DOCK9: variants seen among roughly 807,000 people sequenced by gnomAD.
The protein encoded by DOCK9 is dedicator of cytokinesis 9.
DOCK9 carries 89 observed loss-of-function variants against 263.3 expected under a neutral mutation model. The observed-to-expected ratio is 0.34, with a 90% CI of 0.28 to 0.40. DOCK9 has a LOEUF of 0.40. Among genes scored for constraint, DOCK9 ranks in the 10% least tolerant of loss-of-function variants. The probability of loss-of-function intolerance (pLI) is 1.00; values close to 1 mark genes in which losing one functional copy is unlikely to be tolerated. For missense variants in DOCK9, 2,140 were observed against 2,603.4 expected (o/e 0.82, Z 3.87); for synonymous variants, 976 against 973.1 (o/e 1.00, Z -0.06).
At chr13:99,086,467 G>T in exon 1 of DOCK9, 1 of 636,438 alleles carries the variant, frequency 1.6e-6, no homozygotes, top group Non-Finnish European at 1.9e-6. Context: ...CGGCGCCGCC[G>T]CCGCCTGCTC....
chr13:98,819,324 G>A (rs867315273), intron 45 of DOCK9, among the ~76,000 whole-genome samples: 2 of 152,152 alleles, frequency 1.3e-5, no homozygotes, highest in South Asian at 4.1e-4. Context: ...ACTAGCACAC[G>A]GCACATGGCC....
At chr13:99,027,011 CTTG>C (rs375011511) in intron 1 of DOCK9, among the ~76,000 whole-genome samples, 15 of 151,978 alleles carry the variant, frequency 9.9e-5, no homozygotes, top group African/African-American at 3.4e-4. Flanking sequence ...CTCATTTAAT[CTTG>C]TTGTTGTTGT....
At chr13:99,087,282 G>C (rs1011857166), upstream of DOCK9, among the ~76,000 whole-genome samples, 3 of 152,234 alleles carry the variant, frequency 2.0e-5, no homozygotes, top group Non-Finnish European at 4.4e-5. Flanking sequence ...GGCCAGGCGT[G>C]GGAGACTCCC....
At chr13:98,986,374 G>C (rs537346673) in intron 1 of DOCK9, among the ~76,000 whole-genome samples, 1 of 152,210 alleles carries the variant, frequency 6.6e-6, no homozygotes, top group East Asian at 1.9e-4. Flanking sequence ...GGGACAGGCC[G>C]CCAGGCCAAC....
At chr13:99,043,118 T>C (rs1888627890) in intron 1 of DOCK9, among the ~76,000 whole-genome samples, 1 of 152,008 alleles carries the variant, frequency 6.6e-6, no homozygotes. Flanking sequence ...GGACATCCCC[T>C]CTCAAGCAAC....
chr13:99,000,134 G>T (rs978460478), intron 1 of DOCK9, among the ~76,000 whole-genome samples: 1 of 152,122 alleles, frequency 6.6e-6, no homozygotes, highest in African/African-American at 2.4e-5. Context: ...CTGATTCTGG[G>T]ATCTGGGAGA....
chr13:98,889,500 G>A (rs2046300472), intron 15 of DOCK9, among the ~76,000 whole-genome samples: 5 of 152,218 alleles, frequency 3.3e-5, no homozygotes, highest in Admixed American at 3.3e-4. Flanking sequence ...CACTGAAATT[G>A]TTGTATTAAT....
intron 2 of DOCK9, among the ~76,000 whole-genome samples, chr13:98,930,622 G>T (rs1047623720): frequency 6.6e-6 from 1 of 152,022 alleles, no homozygotes; most frequent in Non-Finnish European, 1.5e-5. Flanking sequence ...TTTTATTCTG[G>T]TAAAATATGC....
At chr13:99,008,227 TATATA>T (rs1278599624) in intron 1 of DOCK9, among the ~76,000 whole-genome samples, 1 of 121,298 alleles carries the variant, frequency 8.2e-6, no homozygotes, top group Non-Finnish European at 1.7e-5. Flanking sequence ...TATATATATA[TATATA>T]TATTTTTTTT....
intron 39 of DOCK9, 42 bp from the exon 40 acceptor site, chr13:98,831,828 C>T (rs775398632): frequency 2.5e-5 from 40 of 1,594,714 alleles, no homozygotes; most frequent in Non-Finnish European, 3.4e-5. Context: ...ATACCAGTCA[C>T]CTCTAGTAGG....
intron 1 of DOCK9, among the ~76,000 whole-genome samples, chr13:99,034,728 T>C (rs1324780157): frequency 1.3e-5 from 2 of 152,218 alleles, no homozygotes; most frequent in South Asian, 2.1e-4. Flanking sequence ...TTCAAATTTC[T>C]ATTTTAAAAA....
At chr13:98,824,593 G>T in intron 44 of DOCK9, 89 bp from the exon 45 acceptor site, 1 of 1,196,326 alleles carries the variant, frequency 8.4e-7, no homozygotes, top group Non-Finnish European at 1.2e-6. Context: ...GTGTTTCTGT[G>T]TTGAATGAAA....
rs781655476 is a variant in DOCK9, at chr13:98,867,072, G to C, written c.3286+353C>G. On this transcript the variant is annotated intron_variant, in intron 30 of 52. Coordinates refer to ENST00000682017, the MANE Select transcript of DOCK9 (RefSeq NM_001366683.2). Reference sequence around the variant, plus strand: ...TCATACCCCACACCTACCTACAGGAGTGTCATTTGACTCCACAGTTGGTGA... The same window carrying C: ...TCATACCCCACACCTACCTACAGGACTGTCATTTGACTCCACAGTTGGTGA... The C allele has an allele frequency of 2.6e-4, 117 of 449,666 alleles. 1 individual carries two copies. The highest frequency in any genetic ancestry group is 1.8e-3 in the South Asian group (113 of 61,386). The allele number at this position is 449,666 out of a possible 1,614,324, so 27.9% of individuals were successfully genotyped here. A position where few individuals can be genotyped will look rare whatever the true frequency, so the allele number is the denominator to read the frequency against.
intron 38 of DOCK9, among the ~76,000 whole-genome samples, chr13:98,842,632 G>A (rs1362636954): frequency 1.3e-5 from 2 of 152,180 alleles, no homozygotes; most frequent in African/African-American, 4.8e-5. Flanking sequence ...ACCTCATAAT[G>A]TGGTTTATAG....
At chr13:98,870,563 GC>G (rs2142177070) in intron 27 of DOCK9, among the ~76,000 whole-genome samples, 1 of 152,294 alleles carries the variant, frequency 6.6e-6, no homozygotes. Context: ...TGAGTCAATG[GC>G]TGCTAAAACC....
At chr13:98,867,361 C>T in intron 30 of DOCK9, 64 bp downstream of exon 30, 1 of 933,260 alleles carries the variant, frequency 1.1e-6, no homozygotes, top group Non-Finnish European at 1.7e-6. Flanking sequence ...AATCAATTAT[C>T]TTTTCTTATT....
chr13:99,053,022 C>T (rs1395447581), intron 1 of DOCK9, among the ~76,000 whole-genome samples: 1 of 152,102 alleles, frequency 6.6e-6, no homozygotes, highest in Non-Finnish European at 1.5e-5. Context: ...GATGAAGTCT[C>T]TCCCATTACT....
At chr13:98,986,657 G>C (rs1878528681) in intron 1 of DOCK9, among the ~76,000 whole-genome samples, 2 of 152,124 alleles carry the variant, frequency 1.3e-5, no homozygotes, top group South Asian at 2.1e-4. Context: ...CTGCTGCCTA[G>C]AGGAGGGCCT....
At chr13:98,990,478 T>C (rs1879544499) in intron 1 of DOCK9, among the ~76,000 whole-genome samples, 1 of 152,208 alleles carries the variant, frequency 6.6e-6, no homozygotes, top group East Asian at 1.9e-4. Context: ...AATAACACGT[T>C]CCCCAACAAC....
Sources: gnomAD v4.1 joint callset for allele counts (sites outside exome capture counted in the v4.1 genomes callset) on GRCh38, gnomAD v4.1.1 for gene constraint, MANE v1.5 for transcripts, NCBI Gene and HGNC (gene_info 2026-07-23, HGNC 2026-07-21) for gene names.